Variants in RBFOX1 observed in about 807,000 individuals in gnomAD.
RBFOX1 encodes the protein RNA binding protein fox-1 homolog 1.
RBFOX1 carries 8 observed loss-of-function variants against 57.7 expected under a neutral mutation model. The ratio of observed to expected loss-of-function variants is 0.14; its 90% CI spans 0.08 to 0.25. RBFOX1 has a LOEUF of 0.25. Ranked by LOEUF, RBFOX1 falls within the 10% of genes least tolerant of loss-of-function variation. The pLI, the probability that RBFOX1 is intolerant of heterozygous loss-of-function variation, is 1.00. For missense variants in RBFOX1, 611 were observed against 548.5 expected (o/e 1.11, Z -1.14); for synonymous variants, 326 against 222.4 (o/e 1.47, Z -4.15).
intron 3 of RBFOX1, among the ~76,000 whole-genome samples, chr16:7,011,420 G>A (rs1221872542): frequency 6.6e-6 from 1 of 152,158 alleles, no homozygotes; most frequent in East Asian, 1.9e-4. Flanking sequence ...GTTGCTATGT[G>A]TTTTTAAAAC....
chr16:6,907,820 C>T lies in RBFOX1; in HGVS notation c.-15-144237C>T, dbSNP rs554352382. 2.5e-4 allele frequency among the ~76,000 whole-genome samples: 38 copies of T among 151,730 alleles called. 2 individuals are homozygous for T. The highest frequency in any genetic ancestry group is 4.9e-4 in the Non-Finnish European group (33 of 67,764). On this transcript the variant is annotated intron_variant, in intron 3 of 15. Transcript: ENST00000550418. ...AACTCCTGACCTCAGGTGAACCACC[C>T]GCCTCGGCCTCCCAAAGTGCTGGGA...
At chr16:7,149,527 C>T (rs1195727931) in intron 4 of RBFOX1, among the ~76,000 whole-genome samples, 1 of 148,372 alleles carries the variant, frequency 6.7e-6, no homozygotes, top group Non-Finnish European at 1.5e-5. Context: ...CATTCTATCA[C>T]CCAGCTGTAG....
chr16:5,836,498 T>C (rs1479203340), intron 3 of RBFOX1, among the ~76,000 whole-genome samples: 3 of 152,172 alleles, frequency 2.0e-5, no homozygotes, highest in African/African-American at 4.8e-5. Flanking sequence ...CCTTCTTCTT[T>C]AGGAGCCATC....
chr16:6,829,471 A>C (rs1167443577), intron 3 of RBFOX1, among the ~76,000 whole-genome samples: 2 of 135,372 alleles, frequency 1.5e-5, no homozygotes, highest in African/African-American at 6.0e-5. Flanking sequence ...ATGAAATACC[A>C]CTCAACCATT....
At chr16:5,895,597 G>C (rs1310434883) in intron 4 of RBFOX1, among the ~76,000 whole-genome samples, 2 of 152,202 alleles carry the variant, frequency 1.3e-5, no homozygotes, top group East Asian at 3.8e-4. Context: ...ATAGGAAGGA[G>C]GTATCAGAAT....
At chr16:5,304,381 G>A (rs989838564) in intron 1 of RBFOX1, among the ~76,000 whole-genome samples, 6 of 152,148 alleles carry the variant, frequency 3.9e-5, no homozygotes, top group African/African-American at 1.4e-4. Context: ...TATATCACAG[G>A]TATATGGGCC....
At chr16:6,882,212 C>T (rs2063088951) in intron 3 of RBFOX1, among the ~76,000 whole-genome samples, 1 of 152,036 alleles carries the variant, frequency 6.6e-6, no homozygotes, top group Non-Finnish European at 1.5e-5. Context: ...CAACACTGGG[C>T]AATTTATTTG....
intron 11 of RBFOX1, among the ~76,000 whole-genome samples, chr16:7,650,850 C>T (rs1420436943): frequency 3.3e-5 from 5 of 152,152 alleles, no homozygotes; most frequent in Non-Finnish European, 1.5e-5. Context: ...GGAGTCAAGG[C>T]CATTCCCACT....
At chr16:6,067,698 A>G (rs930108214) in intron 1 of RBFOX1, among the ~76,000 whole-genome samples, 8 of 152,208 alleles carry the variant, frequency 5.3e-5, no homozygotes, top group Admixed American at 2.0e-4. Flanking sequence ...TGAGGGCTAA[A>G]TCCATTAAAA....
At chr16:6,466,214 A>T (rs184041309) in intron 2 of RBFOX1, among the ~76,000 whole-genome samples, 2 of 150,366 alleles carry the variant, frequency 1.3e-5, no homozygotes, top group Admixed American at 1.3e-4. Flanking sequence ...TGGGCGACAG[A>T]TTAAAACTCT....
chr16:6,371,239 C>T (rs1163782268), intron 2 of RBFOX1, among the ~76,000 whole-genome samples: 1 of 152,118 alleles, frequency 6.6e-6, no homozygotes, highest in Admixed American at 6.5e-5. Context: ...ATCCTTCATT[C>T]ACTAGTTTTA....
chr16:7,427,860 C>T (rs1307521558), intron 4 of RBFOX1, among the ~76,000 whole-genome samples: 1 of 151,854 alleles, frequency 6.6e-6, no homozygotes, highest in Non-Finnish European at 1.5e-5. Flanking sequence ...GAACATGTTT[C>T]CCAGCTTGGT....
At chr16:6,740,579 T>A (rs2071757618) in intron 3 of RBFOX1, among the ~76,000 whole-genome samples, 1 of 152,202 alleles carries the variant, frequency 6.6e-6, no homozygotes, top group Admixed American at 6.5e-5. Flanking sequence ...AAAAACAGTT[T>A]CTAAATTTCT....
intron 14 of RBFOX1, among the ~76,000 whole-genome samples, chr16:7,701,435 T>G (rs1205101309): frequency 6.6e-6 from 1 of 152,186 alleles, no homozygotes; most frequent in Non-Finnish European, 1.5e-5. Context: ...TACTGTAAAC[T>G]GTGCATGTGA....
intron 1 of RBFOX1, among the ~76,000 whole-genome samples, chr16:6,173,879 TTTTGTTTGTTTG>T (rs957787669): frequency 6.6e-6 from 1 of 151,114 alleles, no homozygotes; most frequent in Middle Eastern, 3.2e-3. Flanking sequence ...CAAAGTGCTG[TTTTGTTTGTTTG>T]TTTGTTTGTT....
chr16:7,182,049 A>C (rs911610821), intron 4 of RBFOX1, among the ~76,000 whole-genome samples: 7 of 152,258 alleles, frequency 4.6e-5, no homozygotes, highest in African/African-American at 1.7e-4. Context: ...GAAAGATAAT[A>C]ATCTTCACTG....
intron 9 of RBFOX1, among the ~76,000 whole-genome samples, chr16:7,605,534 T>A (rs956773602): frequency 1.7e-4 from 26 of 152,334 alleles, no homozygotes; most frequent in Middle Eastern, 6.8e-3. Context: ...AACATTCTTA[T>A]CAAGTTTTAG....
At chr16:5,341,811 C>T (rs1013913854) in intron 1 of RBFOX1, among the ~76,000 whole-genome samples, 12 of 152,252 alleles carry the variant, frequency 7.9e-5, no homozygotes, top group Middle Eastern at 3.4e-3. Flanking sequence ...AAGGGGAACA[C>T]GGAGTTCTCT....
chr16:7,616,680 C>T (rs530077422), intron 10 of RBFOX1, among the ~76,000 whole-genome samples: 17 of 152,164 alleles, frequency 1.1e-4, no homozygotes, highest in South Asian at 4.2e-4. Flanking sequence ...TACTGGTGCC[C>T]GCCACCACAC....
Sources: gnomAD v4.1 joint callset for allele counts (sites outside exome capture counted in the v4.1 genomes callset) on GRCh38, gnomAD v4.1.1 for gene constraint, MANE v1.5 for transcripts, NCBI Gene and HGNC (gene_info 2026-07-23, HGNC 2026-07-21) for gene names.